Variants in PPARGC1A observed in about 807,000 individuals in gnomAD.
PPARGC1A encodes PPARG coactivator 1 alpha, also known as peroxisome proliferator-activated receptor gamma coactivator 1-alpha.
A neutral mutation model predicts 88.7 loss-of-function variants in PPARGC1A; 25 were observed. The observed-to-expected ratio is 0.28, with a 90% CI of 0.21 to 0.39. PPARGC1A has a LOEUF of 0.39. Among genes scored for constraint, PPARGC1A ranks in the 10% least tolerant of loss-of-function variants. PPARGC1A has a pLI of 1.00. For synonymous variants in PPARGC1A, 363 were observed against 355.6 expected (o/e 1.02, Z -0.24); for missense variants, 880 against 968.7 (o/e 0.91, Z 1.22).
chr4:23,831,439 T>C, intron 3 of PPARGC1A, 118 bp downstream of exon 3: 1 of 866,870 alleles, frequency 1.2e-6, no homozygotes, highest in Admixed American at 2.5e-5. Flanking sequence ...TGCTTGGGGA[T>C]TGCTTTGGCA....
the PPARGC1A span, among the ~76,000 whole-genome samples, chr4:24,087,840 GT>G: frequency 1.3e-5 from 2 of 152,152 alleles, no homozygotes; most frequent in Non-Finnish European, 2.9e-5. Context: ...ATTGCATCTA[GT>G]TCATTTCCAA....
intron 8 of PPARGC1A, 70 bp downstream of exon 8, chr4:23,813,619 AT>A (rs1266505972): frequency 1.5e-5 from 21 of 1,356,566 alleles, no homozygotes; most frequent in Non-Finnish European, 2.1e-5. Context: ...TCAAATTTTT[AT>A]TTGTATTTTA....
the PPARGC1A span, among the ~76,000 whole-genome samples, chr4:24,400,366 T>C: frequency 4.6e-5 from 7 of 152,168 alleles, no homozygotes; most frequent in African/African-American, 1.7e-4. Flanking sequence ...GGGCCTAGCC[T>C]GCCAGGCTAC....
At chr4:24,043,828 A>C in the PPARGC1A span, among the ~76,000 whole-genome samples, 10 of 152,182 alleles carry the variant, frequency 6.6e-5, no homozygotes, top group Non-Finnish European at 1.3e-4. Flanking sequence ...ATATAGCAAG[A>C]AACTTGAAAA....
At chr4:24,391,394 C>G in the PPARGC1A span, among the ~76,000 whole-genome samples, 1 of 152,164 alleles carries the variant, frequency 6.6e-6, no homozygotes. Context: ...ACCAGTTACT[C>G]TGTAACATAG....
the PPARGC1A span, among the ~76,000 whole-genome samples, chr4:23,935,414 G>C: frequency 1.3e-5 from 2 of 152,166 alleles, no homozygotes; most frequent in African/African-American, 4.8e-5. Flanking sequence ...CAGAGAAAGA[G>C]CAAATGTCCA....
At chr4:24,241,745 C>T in the PPARGC1A span, among the ~76,000 whole-genome samples, 2 of 152,166 alleles carry the variant, frequency 1.3e-5, no homozygotes, top group Non-Finnish European at 2.9e-5. Context: ...CTGTGCAACT[C>T]CAAACATCCA....
At chr4:24,065,486 T>C in the PPARGC1A span, among the ~76,000 whole-genome samples, 1 of 152,146 alleles carries the variant, frequency 6.6e-6, no homozygotes, top group Non-Finnish European at 1.5e-5. Flanking sequence ...ATGCCTTCAG[T>C]GTGGCTAAGA....
intron 2 of PPARGC1A, chr4:23,879,841 G>A (rs562453402): frequency 3.9e-5 from 6 of 151,912 alleles, no homozygotes; most frequent in Non-Finnish European, 8.8e-5. Flanking sequence ...TTTCCAACTG[G>A]GTTCTCATGA....
intron 9 of PPARGC1A, 61 bp from the exon 10 acceptor site, chr4:23,812,928 AT>A: frequency 1.2e-6 from 2 of 1,613,254 alleles, no homozygotes; most frequent in Non-Finnish European, 1.7e-6. Context: ...AAAATGAATA[AT>A]AATATGGGGA....
chr4:24,040,412 C>G, the PPARGC1A span, among the ~76,000 whole-genome samples: 1 of 152,188 alleles, frequency 6.6e-6, no homozygotes, highest in Admixed American at 6.5e-5. Context: ...GCTAATTTAG[C>G]AATAAACAGA....
At chr4:24,183,276 C>G in the PPARGC1A span, among the ~76,000 whole-genome samples, 1 of 152,166 alleles carries the variant, frequency 6.6e-6, no homozygotes, top group African/African-American at 2.4e-5. Context: ...GAGAGGAACT[C>G]TTATTACCCC....
chr4:24,367,735 A>G, the PPARGC1A span, among the ~76,000 whole-genome samples: 2 of 152,254 alleles, frequency 1.3e-5, no homozygotes, highest in Admixed American at 1.3e-4. Context: ...TAATGAACAT[A>G]TTGTTGTTGT....
At chr4:24,014,113 G>A in the PPARGC1A span, among the ~76,000 whole-genome samples, 4 of 152,254 alleles carry the variant, frequency 2.6e-5, no homozygotes, top group East Asian at 3.9e-4. Context: ...TTTTCAAACC[G>A]AGAGCAACCT....
chr4:24,430,815 G>C, the PPARGC1A span, among the ~76,000 whole-genome samples: 1 of 152,146 alleles, frequency 6.6e-6, no homozygotes, highest in Non-Finnish European at 1.5e-5. Flanking sequence ...GTAAGGCACA[G>C]ACCCTGAGAC....
At chr4:24,065,595 G>A in the PPARGC1A span, among the ~76,000 whole-genome samples, 1 of 152,122 alleles carries the variant, frequency 6.6e-6, no homozygotes, top group Non-Finnish European at 1.5e-5. Flanking sequence ...ATGGCCCTCT[G>A]TCTGCAGAAG....
intron 2 of PPARGC1A, among the ~76,000 whole-genome samples, chr4:23,859,745 C>T (rs1198761242): frequency 6.6e-6 from 1 of 151,088 alleles, no homozygotes; most frequent in African/African-American, 2.4e-5. Context: ...GGCACCACTG[C>T]ACTCCAGCCT....
At chr4:23,891,401 A>G (rs1172013146), upstream of PPARGC1A, among the ~76,000 whole-genome samples, 1 of 152,230 alleles carries the variant, frequency 6.6e-6, no homozygotes, top group Non-Finnish European at 1.5e-5. Flanking sequence ...ATAATTTGTA[A>G]AGCATTATTC....
At chr4:23,998,801 G>A in the PPARGC1A span, among the ~76,000 whole-genome samples, 1 of 152,206 alleles carries the variant, frequency 6.6e-6, no homozygotes, top group Admixed American at 6.5e-5. Flanking sequence ...AACTTGAAGA[G>A]TCAATAGCTC....
Sources: allele counts gnomAD v4.1 joint callset (sites outside exome capture counted in the v4.1 genomes callset), GRCh38; gene constraint gnomAD v4.1.1; transcripts MANE v1.5; gene names NCBI Gene and HGNC (gene_info 2026-07-23, HGNC 2026-07-21).